DPY19L2: variants seen among roughly 807,000 people sequenced by gnomAD.
DPY19L2 encodes probable C-mannosyltransferase DPY19L2.
DPY19L2 carries 34 observed loss-of-function variants against 97.9 expected under a neutral mutation model. That is an observed-to-expected ratio of 0.35 (90% confidence interval 0.26 to 0.46). DPY19L2 has a LOEUF of 0.46. DPY19L2 is among the 20% of genes least tolerant of loss of function. DPY19L2 has a pLI of 1.00. For missense variants in DPY19L2, 623 were observed against 911.4 expected (o/e 0.68, Z 4.07); for synonymous variants, 230 against 307.9 (o/e 0.75, Z 2.65).
At chr12:63,628,396 C>T (rs546717618) in intron 6 of DPY19L2, among the ~76,000 whole-genome samples, 1 of 152,268 alleles carries the variant, frequency 6.6e-6, no homozygotes, top group Non-Finnish European at 1.5e-5. Context: ...ACAGTCTTAG[C>T]AAACGGCACA....
rs777029257 is a variant in DPY19L2 at position 63,661,467 on chromosome 12, T to C, written c.465A>G (p.Ser155=). ...GTGCTTCAATAATGGTCTTGAAGTATGAATAATAAAGTCCCTTTTTTTAAA... is the reference window on the plus strand; with the variant it reads ...GTGCTTCAATAATGGTCTTGAAGTACGAATAATAAAGTCCCTTTTTTTAAA... The part of the protein sequence containing the change: ...TFRTEMGLYY[S]YFKTIIEAPS... Residue 155 remains serine (S), a synonymous_variant, in exon 4 of 22, where the codon TCA becomes TCG. Coordinates refer to ENST00000324472, the MANE Select transcript of DPY19L2 (RefSeq NM_173812.5). 2.4e-5 allele frequency: 38 copies of C among 1,571,738 alleles called. No individual in the cohort carries two copies. The highest frequency in any genetic ancestry group is 2.0e-4 in the South Asian group (16 of 81,884).
intron 4 of DPY19L2, chr12:63,651,855 C>T (rs1056331719): frequency 2.0e-5 from 7 of 358,204 alleles, no homozygotes; most frequent in African/African-American, 1.3e-4. Flanking sequence ...GTTAGATTTC[C>T]CAAAATTTCT....
intron 6 of DPY19L2, among the ~76,000 whole-genome samples, chr12:63,633,290 G>A (rs1891044479): frequency 6.6e-6 from 1 of 152,038 alleles, no homozygotes. Flanking sequence ...CTACAGAATG[G>A]GAGAAATTTT....
intron 6 of DPY19L2, among the ~76,000 whole-genome samples, chr12:63,628,183 T>C (rs1374539502): frequency 6.6e-6 from 1 of 152,166 alleles, no homozygotes; most frequent in African/African-American, 2.4e-5. Context: ...ACTGAGGTAC[T>C]GTGTTTATCT....
chr12:63,639,884 A>G (rs565861036), intron 6 of DPY19L2, among the ~76,000 whole-genome samples: 12 of 152,298 alleles, frequency 7.9e-5, no homozygotes, highest in East Asian at 1.9e-4. Context: ...TCATGCTGCT[A>G]TAAAGACACA....
chr12:63,628,900 C>G (rs1890078123), intron 6 of DPY19L2, among the ~76,000 whole-genome samples: 1 of 151,406 alleles, frequency 6.6e-6, no homozygotes, highest in African/African-American at 2.4e-5. Context: ...GCAACATTTG[C>G]TGTTCACCAA....
intron 12 of DPY19L2, among the ~76,000 whole-genome samples, chr12:63,602,200 A>G (rs187891148): frequency 2.0e-5 from 3 of 152,204 alleles, no homozygotes; most frequent in African/African-American, 7.2e-5. Flanking sequence ...AGAAATGGGG[A>G]AAAAAGCAGA....
intron 6 of DPY19L2, among the ~76,000 whole-genome samples, chr12:63,630,859 C>T (rs1185590965): frequency 1.3e-5 from 2 of 152,082 alleles, no homozygotes; most frequent in East Asian, 1.9e-4. Flanking sequence ...GAAATTATAA[C>T]AAACTGTCTC....
intron 1 of DPY19L2, among the ~76,000 whole-genome samples, chr12:63,667,495 G>A (rs1032519455): frequency 3.9e-5 from 6 of 152,114 alleles, no homozygotes; most frequent in African/African-American, 1.4e-4. Context: ...ACAGAAGAAT[G>A]TCCCCTGGAC....
chr12:63,636,601 A>G (rs1024016185), intron 6 of DPY19L2, among the ~76,000 whole-genome samples: 4 of 152,120 alleles, frequency 2.6e-5, no homozygotes, highest in African/African-American at 9.7e-5. Context: ...GCAAACAGAA[A>G]ACAAAACAAA....
At chr12:63,585,321 A>G (rs1195177793) in intron 16 of DPY19L2, among the ~76,000 whole-genome samples, 2 of 152,162 alleles carry the variant, frequency 1.3e-5, no homozygotes, top group Non-Finnish European at 2.9e-5. Flanking sequence ...AAGTAAGTTC[A>G]GGGGTACAGA....
chr12:63,607,096 GA>G (rs1185548750), intron 12 of DPY19L2, among the ~76,000 whole-genome samples: 1 of 152,034 alleles, frequency 6.6e-6, no homozygotes, highest in African/African-American at 2.4e-5. Context: ...TCCTTCCTTA[GA>G]TTTTTTGTTT....
chr12:63,596,394 C>T (rs1481567900), intron 14 of DPY19L2, among the ~76,000 whole-genome samples: 1 of 152,100 alleles, frequency 6.6e-6, no homozygotes, highest in African/African-American at 2.4e-5. Flanking sequence ...TACACAGCTC[C>T]ATTATTTTCA....
intron 21 of DPY19L2, among the ~76,000 whole-genome samples, chr12:63,566,693 C>G (rs910580120): frequency 6.6e-6 from 1 of 151,790 alleles, no homozygotes. Context: ...ATTCACCTTG[C>G]GAAAAACATC....
At chr12:63,564,404 C>A (rs1877235959) in intron 21 of DPY19L2, among the ~76,000 whole-genome samples, 1 of 152,114 alleles carries the variant, frequency 6.6e-6, no homozygotes, top group Admixed American at 6.5e-5. Context: ...GTATCTGCAT[C>A]CCACAAATAG....
intron 21 of DPY19L2, among the ~76,000 whole-genome samples, chr12:63,564,291 T>G (rs1877215660): frequency 6.6e-6 from 1 of 152,136 alleles, no homozygotes; most frequent in Non-Finnish European, 1.5e-5. Context: ...GTTTACTTAT[T>G]CTTTTTTTCT....
chr12:63,631,794 A>C (rs1301569138), intron 6 of DPY19L2, among the ~76,000 whole-genome samples: 1 of 152,170 alleles, frequency 6.6e-6, no homozygotes, highest in African/African-American at 2.4e-5. Flanking sequence ...TCCCTGAAGA[A>C]CATTAATGCA....
intron 4 of DPY19L2, among the ~76,000 whole-genome samples, chr12:63,660,661 A>C (rs1895560519): frequency 1.3e-5 from 2 of 152,206 alleles, no homozygotes; most frequent in African/African-American, 4.8e-5. Flanking sequence ...AAGCATTTCA[A>C]AATCTAAAGA....
chr12:63,649,712 G>A (rs964935651), intron 4 of DPY19L2, among the ~76,000 whole-genome samples: 4 of 152,112 alleles, frequency 2.6e-5, no homozygotes, highest in African/African-American at 9.7e-5. Flanking sequence ...AAAAAGCCCT[G>A]GAACAGATGA....
Sources: allele counts gnomAD v4.1 joint callset (sites outside exome capture counted in the v4.1 genomes callset), GRCh38; gene constraint gnomAD v4.1.1; transcripts MANE v1.5; gene names NCBI Gene and HGNC (gene_info 2026-07-23, HGNC 2026-07-21).